EPHA6: variants seen among roughly 807,000 people sequenced by gnomAD.
EPHA6 encodes EPH receptor A6.
In EPHA6, 50 loss-of-function variants were observed where a neutral mutation model predicts 112.0. That is an observed-to-expected ratio of 0.45 (90% CI 0.36 to 0.56). The LOEUF (loss-of-function observed/expected upper bound fraction) is 0.56. Ranked by LOEUF, EPHA6 falls within the 20% of genes least tolerant of loss-of-function variation. The pLI is 0.00. For synonymous variants in EPHA6, 529 were observed against 490.7 expected (o/e 1.08, Z -1.03); for missense variants, 1,280 against 1,417.4 (o/e 0.90, Z 1.56).
At chr3:97,538,818 A>T (rs2092798068) in intron 11 of EPHA6, among the ~76,000 whole-genome samples, 1 of 152,188 alleles carries the variant, frequency 6.6e-6, no homozygotes, top group Non-Finnish European at 1.5e-5. Flanking sequence ...ATGGATTTAG[A>T]GTGAGATATG....
intron 14 of EPHA6, among the ~76,000 whole-genome samples, chr3:97,660,437 T>C (rs2094162226): frequency 6.6e-6 from 1 of 152,094 alleles, no homozygotes; most frequent in Non-Finnish European, 1.5e-5. Context: ...TGAGACCAGA[T>C]TGCAAAGTTC....
In EPHA6 at chr3:97,750,686, G is replaced by A. The variant is rs943556949; in HGVS notation, c.*1985G>A. 6.6e-6 allele frequency among the ~76,000 whole-genome samples: 1 copy of A among 151,882 alleles called. No homozygotes were observed. Among genetic ancestry groups the A allele is most frequent in the Admixed American group, 6.6e-5 (1 of 15,246 alleles). On this transcript the variant is annotated 3_prime_UTR_variant, in exon 18 of 18. Transcript: ENST00000389672. ...TTCTTATATTTAGATTTTGTTGATC[G>A]TCCCATTATACTAGACCCTTCTACA...
chr3:97,742,379 C>T (rs1055793149), intron 16 of EPHA6, among the ~76,000 whole-genome samples: 7 of 152,132 alleles, frequency 4.6e-5, no homozygotes, highest in African/African-American at 1.7e-4. Context: ...GCTGGGTACA[C>T]TACTGGGAAT....
At chr3:97,513,367 AT>A (rs1351166436) in intron 10 of EPHA6, among the ~76,000 whole-genome samples, 1 of 152,244 alleles carries the variant, frequency 6.6e-6, no homozygotes, top group African/African-American at 2.4e-5. Flanking sequence ...TTACAGCACC[AT>A]TCACAATAGT....
intron 3 of EPHA6, among the ~76,000 whole-genome samples, chr3:97,181,289 C>T (rs1175956205): frequency 6.6e-6 from 1 of 152,082 alleles, no homozygotes; most frequent in African/African-American, 2.4e-5. Flanking sequence ...TTCATCTCTT[C>T]AGTGCCTCTT....
In EPHA6 at chr3:97,734,138, A is replaced by G. The variant is rs2035154856; in HGVS notation, c.2935-1787A>G. Among the ~76,000 whole-genome samples, 3 of 152,092 alleles carry G rather than the reference A, an allele frequency of 2.0e-5. No individual in the cohort carries two copies. In the South Asian group the frequency reaches 6.2e-4, roughly 31 times the overall value. On this transcript the variant is annotated intron_variant, in intron 15 of 17. Transcript: ENST00000389672. ...AAATGAATAAAAATATGCAAAGTGCATAGCACATGGTAGATAATAAAGGAA... is the reference window on the plus strand; with the variant it reads ...AAATGAATAAAAATATGCAAAGTGCGTAGCACATGGTAGATAATAAAGGAA...
At chr3:97,585,422 C>G (rs1575973117) in intron 11 of EPHA6, among the ~76,000 whole-genome samples, 2 of 152,222 alleles carry the variant, frequency 1.3e-5, no homozygotes, top group Non-Finnish European at 2.9e-5. Flanking sequence ...GATACGCGTT[C>G]TACAAGTCCA....
At chr3:96,968,720 T>G (rs897727399) in intron 2 of EPHA6, among the ~76,000 whole-genome samples, 1 of 151,894 alleles carries the variant, frequency 6.6e-6, no homozygotes, top group African/African-American at 2.4e-5. Flanking sequence ...AGTTTACTAT[T>G]CTGTGCAATA....
intron 10 of EPHA6, among the ~76,000 whole-genome samples, chr3:97,511,925 T>A (rs1477876988): frequency 6.6e-6 from 1 of 152,176 alleles, no homozygotes; most frequent in Non-Finnish European, 1.5e-5. Context: ...CATTTTTAGT[T>A]TAATTTGTGG....
At chr3:97,291,007 T>C (rs1288043691) in intron 5 of EPHA6, among the ~76,000 whole-genome samples, 2 of 152,172 alleles carry the variant, frequency 1.3e-5, no homozygotes, top group South Asian at 2.1e-4. Context: ...TTCTACTCTT[T>C]TAATGCATGC....
At position 97,399,611 on chromosome 3, in the gene EPHA6, T is replaced by C. The variant is rs186838370; in HGVS notation, c.1607-5539T>C. On this transcript the variant is annotated intron_variant, in intron 5 of 17. Coordinates refer to ENST00000389672, the MANE Select transcript of EPHA6 (RefSeq NM_001080448.3). ...ACCAGCACTGGTTATTTATTTTCTTTTTGATAATAGCTATCCAAATGGAGT... is the reference window on the plus strand; with the variant it reads ...ACCAGCACTGGTTATTTATTTTCTTCTTGATAATAGCTATCCAAATGGAGT... Among the ~76,000 whole-genome samples, 555 of 151,944 alleles carry C rather than the reference T, an allele frequency of 3.7e-3. 1 individual carries two copies. The highest frequency in any genetic ancestry group is 0.012 in the African/African-American group (519 of 41,542).
At chr3:97,601,762 T>C (rs1411315737) in intron 12 of EPHA6, among the ~76,000 whole-genome samples, 1 of 152,104 alleles carries the variant, frequency 6.6e-6, no homozygotes, top group African/African-American at 2.4e-5. Flanking sequence ...TGTATGACTA[T>C]TTAACAAATA....
chr3:97,410,284 C>A lies in EPHA6; in HGVS notation c.1731+5010C>A, dbSNP rs2087631444. Among the ~76,000 whole-genome samples the A allele has an allele frequency of 4.6e-5, 7 of 152,140 alleles. No homozygotes were observed. In the South Asian group the frequency reaches 1.4e-3, roughly 32 times the overall value. ...CTAAAGATAGATAATCAGTAACATG[C>A]ATCTTTGTTTAAAAATACATGAAGC... On this transcript the variant is annotated intron_variant, in intron 6 of 17. Coordinates refer to ENST00000389672, the MANE Select transcript of EPHA6 (RefSeq NM_001080448.3).
intron 14 of EPHA6, among the ~76,000 whole-genome samples, chr3:97,648,769 G>T (rs2094086355): frequency 6.6e-6 from 1 of 152,050 alleles, no homozygotes. Flanking sequence ...CCAATGCACT[G>T]AATAAAAGGA....
Position 96,889,259 on chromosome 3 carries a change from G to A in EPHA6, c.450+22370G>A, listed in dbSNP as rs529525552. On this transcript the variant is annotated intron_variant, in intron 2 of 17. Transcript: ENST00000389672. ...CTCCAAACTGTTCCAACCTGTGCCT[G>A]TTACCCAATTCCGAAGTTGCTTCCA... 3.7e-4 allele frequency among the ~76,000 whole-genome samples: 57 copies of A among 152,188 alleles called. 1 individual carries two copies. In the South Asian group the frequency reaches 9.7e-3, roughly 26 times the overall value.
intron 3 of EPHA6, among the ~76,000 whole-genome samples, chr3:97,166,853 T>C (rs9818654): frequency 2.6e-5 from 4 of 151,990 alleles, no homozygotes; most frequent in African/African-American, 7.3e-5. Context: ...TCAATTTCTG[T>C]TCAGGGAAAC....
At chr3:97,485,611 G>T (rs2091680374) in intron 10 of EPHA6, among the ~76,000 whole-genome samples, 1 of 152,194 alleles carries the variant, frequency 6.6e-6, no homozygotes. Flanking sequence ...AGCCAAAGAA[G>T]CTGCCTTATC....
At chr3:97,714,543 A>G (rs1344294665) in intron 14 of EPHA6, among the ~76,000 whole-genome samples, 1 of 152,216 alleles carries the variant, frequency 6.6e-6, no homozygotes, top group Non-Finnish European at 1.5e-5. Flanking sequence ...CACATGCACA[A>G]TATAATATCG....
intron 5 of EPHA6, among the ~76,000 whole-genome samples, chr3:97,381,858 A>G (rs1265937458): frequency 1.3e-5 from 2 of 152,110 alleles, no homozygotes; most frequent in Non-Finnish European, 2.9e-5. Flanking sequence ...TTCACCATTC[A>G]GAGTCCAAAA....
Sources: allele counts gnomAD v4.1 joint callset (sites outside exome capture counted in the v4.1 genomes callset), GRCh38; gene constraint gnomAD v4.1.1; transcripts MANE v1.5; gene names NCBI Gene and HGNC (gene_info 2026-07-23, HGNC 2026-07-21).